Variants in PXN observed in about 807,000 individuals in gnomAD.
The protein encoded by PXN is paxillin, also known as testicular tissue protein Li 134.
In PXN, 61 loss-of-function variants were observed where a neutral mutation model predicts 103.6. That is an observed-to-expected ratio of 0.59 (90% CI 0.48 to 0.73). The LOEUF is 0.73. Among genes scored for constraint, PXN ranks in the 30% least tolerant of loss-of-function variants. PXN has a pLI of 0.00. For synonymous variants in PXN, 562 were observed against 607.8 expected (o/e 0.92, Z 1.11); for missense variants, 1,274 against 1,460.3 (o/e 0.87, Z 2.08).
At chr12:120,259,103 A>C (rs1368854968) in intron 1 of PXN, among the ~76,000 whole-genome samples, 1 of 145,230 alleles carries the variant, frequency 6.9e-6, no homozygotes, top group East Asian at 2.1e-4. Context: ...AAATAAAACT[A>C]AGTTGAGGCC....
rs1882939421 is a variant in PXN, at chr12:120,216,216, G to A, written c.2301+57C>T. 3.1e-6 allele frequency: 4 copies of A among 1,269,898 alleles called. No individual in the cohort carries two copies. The highest frequency in any genetic ancestry group is 3.9e-5 in the Admixed American group (1 of 25,720). The allele number at this position is 1,269,898 out of a possible 1,614,324, so 78.7% of individuals were successfully genotyped here. On this transcript the variant is annotated intron_variant, in intron 9 of 14. Transcript: ENST00000637617. This position sits in a 1 kb window ranked among gnomAD's most constrained non-coding sequence, Gnocchi z 5.1. Reference sequence around the variant, plus strand: ...TGCACGTGTGTGTGTGCAGAGTGGGGGATGGCTCAGGCATTAGGACAGGGG... The same window carrying A: ...TGCACGTGTGTGTGTGCAGAGTGGGAGATGGCTCAGGCATTAGGACAGGGG...
rs551752748 is a variant in PXN at position 120,228,562 on chromosome 12, G to C, written c.14-4185C>G. Among the ~76,000 whole-genome samples, 2 of 152,232 alleles carry C rather than the reference G, an allele frequency of 1.3e-5. No homozygotes were observed. The highest frequency in any genetic ancestry group is 2.9e-5 in the Non-Finnish European group (2 of 68,040). ...CAGCTTCTTGCCACTGGGTAACCTC[G>C]TGCAATCTTGCAATTTTCTAGCCGG... is the stretch of plus-strand genomic sequence containing the variant. On this transcript the variant is annotated intron_variant, in intron 1 of 14. Transcript: ENST00000637617. This position sits in a 1 kb window ranked among gnomAD's most constrained non-coding sequence, Gnocchi z 4.7.
chr12:120,222,433 G>T lies in PXN; in HGVS notation c.695+116C>A. The T allele has an allele frequency of 1.7e-6, 2 of 1,190,318 alleles. No homozygotes were observed. Among genetic ancestry groups the T allele is most frequent in the Non-Finnish European group, 2.3e-6 (2 of 864,962 alleles). 73.7% of individuals were successfully genotyped at this position (1,190,318 alleles called of 1,614,324 possible). On this transcript the variant is annotated intron_variant, in intron 5 of 14. Transcript: ENST00000637617. The surrounding 1 kb of genome is among the most constrained non-coding windows in gnomAD (Gnocchi z 4.7). Reference sequence around the variant, plus strand: ...CTCACCACTATCCCCCCAGTGCCTGGCAAATGGCAGACACGGGAGGGAGTG... The same window carrying T: ...CTCACCACTATCCCCCCAGTGCCTGTCAAATGGCAGACACGGGAGGGAGTG...
intron 3 of PXN, among the ~76,000 whole-genome samples, chr12:120,223,437 G>A (rs1019590957): frequency 1.3e-5 from 2 of 151,556 alleles, no homozygotes; most frequent in Admixed American, 6.6e-5. Flanking sequence ...GCGAGACCCC[G>A]TCTCAAAAAA....
rs1886429666 is a variant in PXN, at chr12:120,224,978, A to C, written c.14-601T>G. On this transcript the variant is annotated intron_variant, in intron 1 of 14. Transcript: ENST00000637617. The surrounding 1 kb of genome is among the most constrained non-coding windows in gnomAD (Gnocchi z 5.0). ...GTGGGGGCTGGAGTGAGGCTGGTGC[A>C]GCGGTCCCCACCCCCTCAGTGAGCA... is the stretch of plus-strand genomic sequence containing the variant. 1 of 343,004 alleles carries C rather than the reference A, an allele frequency of 2.9e-6. No individual in the cohort carries two copies. The highest frequency in any genetic ancestry group is 2.2e-5 in the South Asian group (1 of 45,366). The allele number at this position is 343,004 out of a possible 1,614,324, so 21.2% of individuals were successfully genotyped here. A position where few individuals can be genotyped will look rare whatever the true frequency, so the allele number is the denominator to read the frequency against.
At chr12:120,261,082 C>T (rs1008157325) in intron 1 of PXN, among the ~76,000 whole-genome samples, 4 of 152,142 alleles carry the variant, frequency 2.6e-5, no homozygotes, top group Admixed American at 6.5e-5. Context: ...AGTAGTAATA[C>T]GACTACTAAT....
chr12:120,244,650 A>G (rs899502830), intron 1 of PXN, among the ~76,000 whole-genome samples: 14 of 138,968 alleles, frequency 1.0e-4, no homozygotes, highest in Admixed American at 4.4e-4. Flanking sequence ...TCCGTCTCGG[A>G]AAAAAAAAAA....
At chr12:120,234,529 G>C (rs938849175) in intron 1 of PXN, among the ~76,000 whole-genome samples, 12 of 152,246 alleles carry the variant, frequency 7.9e-5, no homozygotes, top group African/African-American at 2.9e-4. Context: ...CCATATCACA[G>C]ATTTGGCTGG....
At chr12:120,247,000 C>G (rs1009165931) in intron 1 of PXN, among the ~76,000 whole-genome samples, 19 of 151,750 alleles carry the variant, frequency 1.3e-4, no homozygotes, top group Admixed American at 9.2e-4. Flanking sequence ...TGCACTTCAG[C>G]CTGGGTGACA....
At position 120,210,473 on chromosome 12, in the gene PXN, C is replaced by G. The variant is rs759457705; in HGVS notation, c.*1841G>C. The G allele has an allele frequency of 2.6e-5, 4 of 151,938 alleles. No individual in the cohort carries two copies. The highest frequency in any genetic ancestry group is 4.4e-5 in the Non-Finnish European group (3 of 68,002). The allele number at this position is 151,938 out of a possible 1,614,324, so 9.4% of individuals were successfully genotyped here. A position where few individuals can be genotyped will look rare whatever the true frequency, so the allele number is the denominator to read the frequency against. ...GAAAATCATGGGCAAACTTTATTGG[C>G]ATAAATCACAGGAATTGAAATGGGA... On this transcript the variant is annotated 3_prime_UTR_variant, in exon 15 of 15. Transcript: ENST00000637617.
rs185548733 is a variant in PXN at position 120,227,033 on chromosome 12, G to A, written c.14-2656C>T. 6.1e-6 allele frequency: 6 copies of A among 986,810 alleles called. No homozygotes were observed. In the East Asian group the frequency reaches 5.7e-4, roughly 93 times the overall value. 61.1% of individuals were successfully genotyped at this position (986,810 alleles called of 1,614,324 possible). On this transcript the variant is annotated intron_variant, in intron 1 of 14. Coordinates refer to ENST00000637617, the MANE Select transcript of PXN (RefSeq NM_001385981.1). Reference sequence around the variant, plus strand: ...AAGGTCTTCCTCCAAGGAGAGCAGTGTAGGTAGGATGCAAAGTACTAACTT... The same window carrying A: ...AAGGTCTTCCTCCAAGGAGAGCAGTATAGGTAGGATGCAAAGTACTAACTT...
chr12:120,226,826 G>T (rs1886975235), intron 1 of PXN: 2 of 1,015,878 alleles, frequency 2.0e-6, no homozygotes, highest in Non-Finnish European at 2.4e-6. Flanking sequence ...GTAAGCTCTT[G>T]AATAACTCTG....
In PXN at chr12:120,215,163, C is replaced by T. The variant is rs1882289652; in HGVS notation, c.2514G>A (p.Leu838=). The T allele has an allele frequency of 6.4e-7, 1 of 1,573,896 alleles. No homozygotes were observed. The highest frequency in any genetic ancestry group is 1.8e-5 in the Admixed American group (1 of 55,662). ...CTCCTTTGGCGACTGTGGCGACCCC[C>T]AGCTTGTTCAGGTCAGACTGCAGGC... ...LGSLQSDLNK[L]GVATVAKGVC... is the part of the protein sequence containing the mutation. The change falls in exon 11 of 15, where the codon CTG becomes CTA. Residue 838 remains leucine, a synonymous_variant. Transcript: ENST00000637617. The surrounding 1 kb of genome is among the most constrained non-coding windows in gnomAD (Gnocchi z 4.9).
In PXN at chr12:120,216,620, T is replaced by G; in HGVS notation, c.1993-39A>C. 1 of 1,507,240 alleles carries G rather than the reference T, an allele frequency of 6.6e-7. No homozygotes were observed. Among genetic ancestry groups the G allele is most frequent in the Admixed American group, 2.6e-5 (1 of 38,882 alleles). The allele number at this position is 1,507,240 out of a possible 1,614,324, so 93.4% of individuals were successfully genotyped here. ...AGGAGGGAGAGCGATGAGGAAGAAA[T>G]CGCCAGCTCAGCCCACAGGGGTGGC... On this transcript the variant is annotated intron_variant, in intron 8 of 14. Coordinates refer to ENST00000637617, the MANE Select transcript of PXN (RefSeq NM_001385981.1). The surrounding 1 kb of genome is among the most constrained non-coding windows in gnomAD (Gnocchi z 5.1).
At chr12:120,244,778 C>T (rs61198412) in intron 1 of PXN, among the ~76,000 whole-genome samples, 22,601 of 151,652 alleles carry the variant, frequency 0.15, 2,019 homozygotes, top group East Asian at 0.45. Context: ...GCCAAGATCA[C>T]GCCACTGCAC....
rs1221761075 is a variant in PXN, at chr12:120,224,384, A to T, written c.14-7T>A. On this transcript the variant is annotated splice_region_variant and splice_polypyrimidine_tract_variant and intron_variant, in intron 1 of 14. Transcript: ENST00000637617. This position sits in a 1 kb window ranked among gnomAD's most constrained non-coding sequence, Gnocchi z 5.0. The stretch of plus-strand genomic sequence containing the variant: ...AAGTCCGCCAGCAGGGCGTCTGCAA[A>T]GAGAAGGCACGGGTAGCAGGTGAGA... 4 of 1,609,364 alleles carry T rather than the reference A, an allele frequency of 2.5e-6. No homozygotes were observed. Among genetic ancestry groups the T allele is most frequent in the East Asian group, 4.5e-5 (2 of 44,838 alleles).
chr12:120,246,530 A>G (rs573075479), intron 1 of PXN, among the ~76,000 whole-genome samples: 115 of 148,646 alleles, frequency 7.7e-4, no homozygotes, highest in East Asian at 1.8e-3. Flanking sequence ...AAAAAAAAAA[A>G]AAAGAAAAAA....
In PXN at chr12:120,212,289, G is replaced by T. The variant is rs1450582949; in HGVS notation, c.*25C>A. 1.2e-6 allele frequency: 2 copies of T among 1,603,378 alleles called. No homozygotes were observed. Among genetic ancestry groups the T allele is most frequent in the Non-Finnish European group, 8.5e-7 (1 of 1,174,158 alleles). ...CAGTTGGGGATGCTGGCTGGGGAAG[G>T]GGGGCAGAGACAGGGGCAGGGCACC... On this transcript the variant is annotated 3_prime_UTR_variant, in exon 15 of 15. Transcript: ENST00000637617. This position sits in a 1 kb window ranked among gnomAD's most constrained non-coding sequence, Gnocchi z 7.2.
At position 120,211,550 on chromosome 12, in the gene PXN, A is replaced by G. The variant is rs1594312611; in HGVS notation, c.*764T>C. On this transcript the variant is annotated 3_prime_UTR_variant, in exon 15 of 15. Coordinates refer to ENST00000637617, the MANE Select transcript of PXN (RefSeq NM_001385981.1). The stretch of plus-strand genomic sequence containing the variant: ...TAAAATCTCTTCAAAATCATTTTGT[A>G]TAGAGAAGTAAAAGCAACTCAGGCG... The G allele has an allele frequency of 5.0e-6, 1 of 198,334 alleles. No homozygotes were observed. Among genetic ancestry groups the G allele is most frequent in the African/African-American group, 2.3e-5 (1 of 43,448 alleles). The allele number at this position is 198,334 out of a possible 1,614,324, so 12.3% of individuals were successfully genotyped here. A position where few individuals can be genotyped will look rare whatever the true frequency, so the allele number is the denominator to read the frequency against.
Sources: gnomAD v4.1 joint callset for allele counts (sites outside exome capture counted in the v4.1 genomes callset) on GRCh38, gnomAD v4.1.1 for gene constraint, Gnocchi (gnomAD v3.1) non-coding constraint, MANE v1.5 for transcripts, NCBI Gene and HGNC (gene_info 2026-07-23, HGNC 2026-07-21) for gene names.